Variants in DENND1A observed in about 807,000 individuals in gnomAD.
DENND1A encodes the protein DENN domain-containing protein 1A.
DENND1A carries 51 observed loss-of-function variants against 113.7 expected under a neutral mutation model. The ratio of observed to expected loss-of-function variants is 0.45; its 90% CI spans 0.36 to 0.57. DENND1A has a LOEUF of 0.57. Among genes scored for constraint, DENND1A ranks in the 20% least tolerant of loss-of-function variants. DENND1A has a pLI of 0.00. For missense variants in DENND1A, 1,258 were observed against 1,395.9 expected, an observed-to-expected ratio of 0.90 and a Z score of 1.57; for synonymous variants, 565 against 570.8, an observed-to-expected ratio of 0.99 and a Z score of 0.14.
At chr9:123,778,907 G>A (rs1830842878) in intron 3 of DENND1A, among the ~76,000 whole-genome samples, 1 of 152,132 alleles carries the variant, frequency 6.6e-6, no homozygotes, top group African/African-American at 2.4e-5. Flanking sequence ...AAATGTGATT[G>A]TTGCCAAATG....
intron 13 of DENND1A, among the ~76,000 whole-genome samples, chr9:123,538,567 G>GA (rs1292143602): frequency 6.6e-6 from 1 of 151,568 alleles, no homozygotes; most frequent in Non-Finnish European, 1.5e-5. Context: ...GGTTCATGTA[G>GA]AAAAAAAGTA....
At chr9:123,831,822 A>G (rs1197905700) in intron 2 of DENND1A, among the ~76,000 whole-genome samples, 1 of 152,148 alleles carries the variant, frequency 6.6e-6, no homozygotes, top group Non-Finnish European at 1.5e-5. Context: ...GTCCGTACTA[A>G]AAGTACAAAA....
chr9:123,469,506 T>G (rs532273350), intron 13 of DENND1A, among the ~76,000 whole-genome samples: 1 of 152,222 alleles, frequency 6.6e-6, no homozygotes, highest in East Asian at 1.9e-4. Context: ...CAGCAGCCCC[T>G]TCCTTCTGCA....
intron 1 of DENND1A, among the ~76,000 whole-genome samples, chr9:123,885,013 A>G (rs1848836332): frequency 6.7e-6 from 1 of 149,292 alleles, no homozygotes; most frequent in Admixed American, 6.6e-5. Context: ...ACACACACAC[A>G]CACACACACA....
intron 19 of DENND1A, among the ~76,000 whole-genome samples, chr9:123,412,900 T>C (rs1245855174): frequency 6.6e-6 from 1 of 152,244 alleles, no homozygotes. Flanking sequence ...ATGTCCCATG[T>C]GTCTGGTCCA....
At chr9:123,811,814 T>C (rs1431187065) in intron 2 of DENND1A, among the ~76,000 whole-genome samples, 3 of 152,202 alleles carry the variant, frequency 2.0e-5, no homozygotes, top group Non-Finnish European at 4.4e-5. Context: ...CATCCATCAA[T>C]ATATTTTTAA....
chr9:123,385,776 G>T (rs186531561), intron 22 of DENND1A, among the ~76,000 whole-genome samples: 2 of 152,174 alleles, frequency 1.3e-5, no homozygotes, highest in Admixed American at 6.5e-5. Context: ...CACAGCACCC[G>T]CAAGAGGTGG....
At chr9:123,695,782 G>A (rs2065475492) in intron 5 of DENND1A, among the ~76,000 whole-genome samples, 1 of 152,034 alleles carries the variant, frequency 6.6e-6, no homozygotes, top group Admixed American at 6.6e-5. Context: ...TACCAACCCC[G>A]GCCAACATGA....
At chr9:123,412,583 T>C (rs1009521911) in intron 19 of DENND1A, among the ~76,000 whole-genome samples, 2 of 152,250 alleles carry the variant, frequency 1.3e-5, no homozygotes, top group Non-Finnish European at 1.5e-5. Flanking sequence ...TCCAAAATGA[T>C]TGGCTTTTGA....
intron 1 of DENND1A, among the ~76,000 whole-genome samples, chr9:123,894,587 T>G (rs571941241): frequency 6.6e-6 from 1 of 152,202 alleles, no homozygotes; most frequent in South Asian, 2.1e-4. Context: ...GCGGATAGGA[T>G]GCAATGAGGC....
chr9:123,511,398 GC>G (rs372029640), intron 13 of DENND1A, among the ~76,000 whole-genome samples: 128 of 152,364 alleles, frequency 8.4e-4, no homozygotes, highest in African/African-American at 3.0e-3. Flanking sequence ...AGCACCTGCT[GC>G]CACAGTGCAC....
intron 18 of DENND1A, among the ~76,000 whole-genome samples, chr9:123,450,442 C>G (rs1030843768): frequency 2.0e-5 from 3 of 152,240 alleles, no homozygotes; most frequent in African/African-American, 7.2e-5. Flanking sequence ...GGGCAAGGGA[C>G]AGCCCGACAG....
chr9:123,904,031 G>A (rs553277406), intron 1 of DENND1A, among the ~76,000 whole-genome samples: 6 of 151,874 alleles, frequency 4.0e-5, no homozygotes, highest in East Asian at 1.9e-4. Context: ...ATCTGAGAAC[G>A]GGCAGACTGC....
At chr9:123,567,439 TA>T (rs1288579493) in intron 12 of DENND1A, among the ~76,000 whole-genome samples, 1 of 152,098 alleles carries the variant, frequency 6.6e-6, no homozygotes, top group East Asian at 1.9e-4. Flanking sequence ...AATTTTTTTT[TA>T]AAAAAGTGGA....
chr9:123,770,541 CTT>C (rs952908425), intron 3 of DENND1A, among the ~76,000 whole-genome samples: 1 of 152,178 alleles, frequency 6.6e-6, no homozygotes, highest in Non-Finnish European at 1.5e-5. Context: ...CTTAGCTTAA[CTT>C]AATTTAACTT....
intron 18 of DENND1A, among the ~76,000 whole-genome samples, chr9:123,445,306 G>A (rs1309322054): frequency 1.3e-5 from 2 of 152,226 alleles, no homozygotes; most frequent in East Asian, 1.9e-4. Flanking sequence ...TAGAGCCCCA[G>A]GCCCAGGGAG....
chr9:123,473,170 G>C lies in DENND1A; in HGVS notation c.994-15273C>G, dbSNP rs144944739. On this transcript the variant is annotated intron_variant, in intron 13 of 23. Transcript: ENST00000394215. ...GGTCAGAGCAAGCGCTCTGATGCTT[G>C]TTGCATGAATTATTCTACTGCAAAT... 2.1e-4 allele frequency among the ~76,000 whole-genome samples: 32 copies of C among 152,310 alleles called. No individual in the cohort carries two copies. In the East Asian group the frequency reaches 5.6e-3, roughly 27 times the overall value.
intron 3 of DENND1A, among the ~76,000 whole-genome samples, chr9:123,784,294 T>C (rs1210053687): frequency 6.6e-6 from 1 of 152,126 alleles, no homozygotes; most frequent in African/African-American, 2.4e-5. Context: ...TTATGTGATT[T>C]GATTTAGGTT....
intron 5 of DENND1A, among the ~76,000 whole-genome samples, chr9:123,719,281 G>A (rs934966933): frequency 6.6e-6 from 1 of 152,210 alleles, no homozygotes; most frequent in African/African-American, 2.4e-5. Context: ...CTAAGGCTCA[G>A]AGGTACCTTG....
Sources: gnomAD v4.1 joint callset for allele counts (sites outside exome capture counted in the v4.1 genomes callset) on GRCh38, gnomAD v4.1.1 for gene constraint, MANE v1.5 for transcripts, NCBI Gene and HGNC (gene_info 2026-07-23, HGNC 2026-07-21) for gene names.